The following TMEM132D variants were observed in gnomAD, a reference collection of about 807,000 sequenced individuals.
TMEM132D encodes mature OL transmembrane protein.
A neutral mutation model predicts 62.3 loss-of-function variants in TMEM132D; 21 were observed. That is an observed-to-expected ratio of 0.34 (90% confidence interval 0.24 to 0.49). The LOEUF (loss-of-function observed/expected upper bound fraction) is 0.49, where lower values mean the gene tolerates loss of function less well. TMEM132D is among the 20% of genes least tolerant of loss of function. TMEM132D has a pLI of 0.99. For missense variants in TMEM132D, 1,346 were observed against 1,402.8 expected, an observed-to-expected ratio of 0.96 and a Z score of 0.65; for synonymous variants, 621 against 575.6, an observed-to-expected ratio of 1.08 and a Z score of -1.13.
chr12:129,417,465 T>C (rs1872161468), intron 3 of TMEM132D, among the ~76,000 whole-genome samples: 1 of 152,172 alleles, frequency 6.6e-6, no homozygotes. Flanking sequence ...ATTCCCTATT[T>C]AATAAATGGT....
At chr12:129,782,290 G>A (rs1036378570) in intron 1 of TMEM132D, among the ~76,000 whole-genome samples, 2 of 152,180 alleles carry the variant, frequency 1.3e-5, no homozygotes, top group Non-Finnish European at 2.9e-5. Context: ...ACGGATTTCA[G>A]TTTTTCGGAT....
chr12:129,888,661 G>A (rs772728582), intron 1 of TMEM132D, among the ~76,000 whole-genome samples: 4 of 152,158 alleles, frequency 2.6e-5, no homozygotes, highest in Non-Finnish European at 5.9e-5. Context: ...CCAAGATCAC[G>A]CCATTGCACT....
chr12:129,598,694 G>T lies in TMEM132D; in HGVS notation c.969-67489C>A, dbSNP rs1444698220. ...GAAAAGAAATTAAAAACAAAAACAG[G>T]CACGGAATAGTCACACCTCACAGAA... On this transcript the variant is annotated intron_variant, in intron 2 of 8. Coordinates refer to ENST00000422113, the MANE Select transcript of TMEM132D (RefSeq NM_133448.3). Among the ~76,000 whole-genome samples, 3 of 152,004 alleles carry T rather than the reference G, an allele frequency of 2.0e-5. No homozygotes were observed. In the East Asian group the frequency reaches 5.8e-4, roughly 29 times the overall value.
At chr12:129,337,291 C>G (rs1364022028) in intron 4 of TMEM132D, among the ~76,000 whole-genome samples, 1 of 152,152 alleles carries the variant, frequency 6.6e-6, no homozygotes, top group African/African-American at 2.4e-5. Flanking sequence ...CCACAGGTGT[C>G]TACATCATAT....
intron 2 of TMEM132D, among the ~76,000 whole-genome samples, chr12:129,638,089 A>G (rs1240615187): frequency 6.6e-6 from 1 of 152,196 alleles, no homozygotes; most frequent in Non-Finnish European, 1.5e-5. Flanking sequence ...TGAAACACAA[A>G]TCAGCCGTCC....
At chr12:129,785,772 G>A (rs2137294377) in intron 1 of TMEM132D, among the ~76,000 whole-genome samples, 1 of 152,266 alleles carries the variant, frequency 6.6e-6, no homozygotes, top group South Asian at 2.1e-4. Context: ...TGTTTCAGCA[G>A]CCTGAGCTAT....
intron 4 of TMEM132D, among the ~76,000 whole-genome samples, chr12:129,310,635 G>C (rs902669869): frequency 3.3e-5 from 5 of 152,148 alleles, no homozygotes; most frequent in Admixed American, 6.5e-5. Flanking sequence ...AATGGGCCTT[G>C]GTAAGCAAAG....
rs183594262 is a variant in TMEM132D at position 129,545,297 on chromosome 12, T to A, written c.969-14092A>T. Among the ~76,000 whole-genome samples, 23 of 152,296 alleles carry A rather than the reference T, an allele frequency of 1.5e-4. No homozygotes were observed. In the East Asian group the frequency reaches 4.4e-3, roughly 29 times the overall value. On this transcript the variant is annotated intron_variant, in intron 2 of 8. Coordinates refer to ENST00000422113, the MANE Select transcript of TMEM132D (RefSeq NM_133448.3). ...GCATTGGGGCCCTGGATTCAACCAT[T>A]CCTGAAGCAAGATCTATGCCTGTCT...
At chr12:129,415,676 C>T (rs1872096355) in intron 3 of TMEM132D, among the ~76,000 whole-genome samples, 1 of 152,188 alleles carries the variant, frequency 6.6e-6, no homozygotes, top group Non-Finnish European at 1.5e-5. Flanking sequence ...GGTGGTGCCA[C>T]AGAAACACCT....
chr12:129,092,665 C>G (rs186719929), intron 5 of TMEM132D, among the ~76,000 whole-genome samples: 48 of 152,270 alleles, frequency 3.2e-4, no homozygotes, highest in Admixed American at 7.2e-4. Context: ...CATTTTACTC[C>G]AGCCTGGGCA....
intron 5 of TMEM132D, among the ~76,000 whole-genome samples, chr12:129,125,818 T>A (rs781410584): frequency 6.6e-6 from 1 of 152,168 alleles, no homozygotes; most frequent in Non-Finnish European, 1.5e-5. Context: ...CCTGCTGCAT[T>A]GAGCACCAGT....
intron 3 of TMEM132D, among the ~76,000 whole-genome samples, chr12:129,524,614 T>G (rs11060396): frequency 6.6e-6 from 1 of 152,020 alleles, no homozygotes. Context: ...TCTCTCCAGA[T>G]TGATGGCTAA....
intron 2 of TMEM132D, among the ~76,000 whole-genome samples, chr12:129,693,130 C>T (rs1881103083): frequency 1.3e-5 from 2 of 152,080 alleles, no homozygotes; most frequent in Admixed American, 6.6e-5. Context: ...TAGGTGACGT[C>T]GTACTGAATG....
At position 129,899,254 on chromosome 12, in the gene TMEM132D, C is replaced by T. The variant is rs11613289; in HGVS notation, c.79+4007G>A. ...AAGGATGGATGGATGGATGGATGCA[C>T]GGATGGATGGATGGATGGATGGATG... On this transcript the variant is annotated intron_variant, in intron 1 of 8. Transcript: ENST00000422113. Among the ~76,000 whole-genome samples, 21 of 131,716 alleles carry T rather than the reference C, an allele frequency of 1.6e-4. 1 individual carries two copies. Among genetic ancestry groups the T allele is most frequent in the South Asian group, 7.3e-4 (3 of 4,088 alleles). 86.4% of individuals were successfully genotyped at this position (131,716 alleles called of 152,430 possible).
At chr12:129,329,270 T>G (rs1869024617) in intron 4 of TMEM132D, among the ~76,000 whole-genome samples, 1 of 152,098 alleles carries the variant, frequency 6.6e-6, no homozygotes. Context: ...AAACACACAA[T>G]GCAAGAAGGT....
At chr12:129,364,430 G>C (rs1433631675) in intron 3 of TMEM132D, among the ~76,000 whole-genome samples, 1 of 152,212 alleles carries the variant, frequency 6.6e-6, no homozygotes, top group South Asian at 2.1e-4. Context: ...TCGCAGTGTT[G>C]ATGAACTGAG....
chr12:129,600,360 TC>T (rs1878453457), intron 2 of TMEM132D, among the ~76,000 whole-genome samples: 1 of 152,196 alleles, frequency 6.6e-6, no homozygotes, highest in Admixed American at 6.5e-5. Context: ...TGCGGTGACT[TC>T]CTCCACTGAA....
intron 1 of TMEM132D, among the ~76,000 whole-genome samples, chr12:129,734,935 G>T (rs1417499281): frequency 6.6e-6 from 1 of 152,070 alleles, no homozygotes; most frequent in Non-Finnish European, 1.5e-5. Flanking sequence ...CAAGTAACCT[G>T]ATAATCATAG....
chr12:129,573,796 A>C (rs913380656), intron 2 of TMEM132D, among the ~76,000 whole-genome samples: 7 of 152,042 alleles, frequency 4.6e-5, no homozygotes, highest in South Asian at 2.1e-4. Context: ...ATGCAACTAC[A>C]TGGATGAGTC....
Sources: allele counts gnomAD v4.1 joint callset (sites outside exome capture counted in the v4.1 genomes callset), GRCh38; gene constraint gnomAD v4.1.1; transcripts MANE v1.5; gene names NCBI Gene and HGNC (gene_info 2026-07-23, HGNC 2026-07-21).